RORA: variants seen among roughly 807,000 people sequenced by gnomAD.
The protein encoded by RORA is nuclear receptor ROR-alpha.
RORA carries 7 observed loss-of-function variants against 69.5 expected under a neutral mutation model. That is an observed-to-expected ratio of 0.10 (90% CI 0.06 to 0.19). The LOEUF is 0.19. Ranked by LOEUF, RORA falls within the 10% of genes least tolerant of loss-of-function variation. The probability of loss-of-function intolerance (pLI) is 1.00; values close to 1 mark genes in which losing one functional copy is unlikely to be tolerated. For missense variants in RORA, 457 were observed against 663.0 expected (o/e 0.69, Z 3.41); for synonymous variants, 261 against 240.8 (o/e 1.08, Z -0.78).
intron 1 of RORA, among the ~76,000 whole-genome samples, chr15:60,993,049 GT>G (rs1566936341): frequency 1.3e-5 from 2 of 151,972 alleles, no homozygotes; most frequent in East Asian, 3.9e-4. Flanking sequence ...ATACTTACTT[GT>G]CCTTGGCATT....
chr15:61,047,438 G>T (rs1351017441), intron 1 of RORA, among the ~76,000 whole-genome samples: 1 of 152,192 alleles, frequency 6.6e-6, no homozygotes. Flanking sequence ...AAGTGGGAGG[G>T]CATAAAATGC....
At chr15:60,651,258 G>A (rs1192417932) in intron 2 of RORA, among the ~76,000 whole-genome samples, 4 of 152,110 alleles carry the variant, frequency 2.6e-5, no homozygotes, top group East Asian at 1.9e-4. Context: ...CCCTGCATAT[G>A]GTGCAAGTTC....
Position 61,197,998 on chromosome 15 carries a change from G to A in RORA, c.166+31055C>T, listed in dbSNP as rs2079860587. Among the ~76,000 whole-genome samples, 3 of 152,142 alleles carry A rather than the reference G, an allele frequency of 2.0e-5. No individual in the cohort carries two copies. In the South Asian group the frequency reaches 6.2e-4, roughly 32 times the overall value. ...ACAAGGATGTGAGTAGACTCGAAGA[G>A]ATGCTCAAATGACTCAGAGCATTTG... On this transcript the variant is annotated intron_variant, in intron 1 of 10. Transcript: ENST00000335670.
At chr15:60,967,374 T>C (rs895026218) in intron 1 of RORA, among the ~76,000 whole-genome samples, 17 of 152,154 alleles carry the variant, frequency 1.1e-4, no homozygotes, top group African/African-American at 3.9e-4. Flanking sequence ...AGAATTTGAA[T>C]TGGGAATCAG....
chr15:60,846,080 C>G (rs2073261631), intron 1 of RORA, among the ~76,000 whole-genome samples: 1 of 152,122 alleles, frequency 6.6e-6, no homozygotes. Flanking sequence ...CAGCATGATC[C>G]CTTCAGACCC....
At chr15:60,732,267 T>A (rs2071439274) in intron 1 of RORA, among the ~76,000 whole-genome samples, 1 of 152,200 alleles carries the variant, frequency 6.6e-6, no homozygotes, top group South Asian at 2.1e-4. Context: ...AGAGACTGAA[T>A]CTAACAGGAA....
At chr15:61,216,489 C>T (rs572673053) in intron 1 of RORA, among the ~76,000 whole-genome samples, 2 of 27,438 alleles carry the variant, frequency 7.3e-5, no homozygotes, top group South Asian at 3.0e-3. Flanking sequence ...CAAGCTTCTC[C>T]GATGTGATTT....
At chr15:60,710,567 C>A (rs1318132873) in intron 1 of RORA, among the ~76,000 whole-genome samples, 1 of 152,158 alleles carries the variant, frequency 6.6e-6, no homozygotes, top group African/African-American at 2.4e-5. Flanking sequence ...AATCAGAGTG[C>A]AGATAAGTAA....
chr15:61,128,021 A>T lies in RORA; in HGVS notation c.166+101032T>A, dbSNP rs1353986861. Among the ~76,000 whole-genome samples, 2 of 152,248 alleles carry T rather than the reference A, an allele frequency of 1.3e-5. No homozygotes were observed. Among genetic ancestry groups the T allele is most frequent in the African/African-American group, 4.8e-5 (2 of 41,466 alleles). ...ACCTAATTATGCAGTCCAGTAGAAGAGGCTTACCCATAGGATTTTAAATCT... is the reference window on the plus strand; with the variant it reads ...ACCTAATTATGCAGTCCAGTAGAAGTGGCTTACCCATAGGATTTTAAATCT... On this transcript the variant is annotated intron_variant, in intron 1 of 10. Coordinates refer to ENST00000335670, the MANE Select transcript of RORA (RefSeq NM_134261.3). This position sits in a 1 kb window ranked among gnomAD's most constrained non-coding sequence, Gnocchi z 4.5.
chr15:60,802,384 G>T (rs1329043014), intron 1 of RORA, among the ~76,000 whole-genome samples: 1 of 152,262 alleles, frequency 6.6e-6, no homozygotes, highest in East Asian at 1.9e-4. Context: ...TTTACAGAGG[G>T]CTATTGGTCC....
At chr15:60,913,946 G>A (rs536931132) in intron 1 of RORA, among the ~76,000 whole-genome samples, 6 of 152,230 alleles carry the variant, frequency 3.9e-5, no homozygotes, top group Middle Eastern at 3.4e-3. Flanking sequence ...AACTCAGTCC[G>A]GTGGATTAAG....
At position 61,189,386 on chromosome 15, in the gene RORA, C is replaced by T. The variant is rs192946396; in HGVS notation, c.166+39667G>A. Reference sequence around the variant, plus strand: ...CTGGCTCCCACTCGGCAGCTATGGGCTCTTGTTTTTGAGAGGATCTTCTCC... The same window carrying T: ...CTGGCTCCCACTCGGCAGCTATGGGTTCTTGTTTTTGAGAGGATCTTCTCC... On this transcript the variant is annotated intron_variant, in intron 1 of 10. Coordinates refer to ENST00000335670, the MANE Select transcript of RORA (RefSeq NM_134261.3). 2.6e-5 allele frequency among the ~76,000 whole-genome samples: 4 copies of T among 152,262 alleles called. No individual in the cohort carries two copies. The East Asian group carries it at 7.7e-4, about 29-fold the overall frequency.
rs149908789 is a variant in RORA at position 61,158,743 on chromosome 15, G to A, written c.166+70310C>T. 3.3e-3 allele frequency among the ~76,000 whole-genome samples: 497 copies of A among 152,298 alleles called. 5 individuals are homozygous for A. The highest frequency in any genetic ancestry group is 0.012 in the African/African-American group (483 of 41,562). ...TGTTGCGGGAGCTGTCGTGTCAGCT[G>A]AAACAATATTTGATGAAAGACTGTG... On this transcript the variant is annotated intron_variant, in intron 1 of 10. Transcript: ENST00000335670.
intron 1 of RORA, among the ~76,000 whole-genome samples, chr15:60,987,682 C>T (rs932730686): frequency 6.6e-6 from 1 of 152,218 alleles, no homozygotes; most frequent in Non-Finnish European, 1.5e-5. Flanking sequence ...AGGCACCTCA[C>T]TTCTTTGAAA....
chr15:60,635,025 C>T (rs1400481161), intron 2 of RORA, among the ~76,000 whole-genome samples: 1 of 152,190 alleles, frequency 6.6e-6, no homozygotes. Flanking sequence ...TTGCCTCCTA[C>T]ACAAGAAGTA....
chr15:60,525,868 G>A (rs989088184), intron 3 of RORA, among the ~76,000 whole-genome samples: 1 of 152,126 alleles, frequency 6.6e-6, no homozygotes, highest in Non-Finnish European at 1.5e-5. Flanking sequence ...AGAAGCATGG[G>A]GGTGAGAAGG....
chr15:61,053,848 G>GATATATATATATATATAGATATAT (rs3053963), intron 1 of RORA, among the ~76,000 whole-genome samples: 1 of 90,968 alleles, frequency 1.1e-5, no homozygotes, highest in African/African-American at 4.3e-5. Flanking sequence ...TAGACTTCAT[G>GATATATATATATATATAGATATAT]ATATATATAT....
intron 2 of RORA, among the ~76,000 whole-genome samples, chr15:60,632,176 G>C (rs999644107): frequency 1.3e-5 from 2 of 151,234 alleles, no homozygotes; most frequent in African/African-American, 4.9e-5. Context: ...GCGCATCCTG[G>C]CTCACTGCAA....
chr15:61,178,874 T>C (rs184150848), intron 1 of RORA, among the ~76,000 whole-genome samples: 1 of 152,348 alleles, frequency 6.6e-6, no homozygotes, highest in African/African-American at 2.4e-5. Flanking sequence ...ATACCCGCTT[T>C]TGAAAATATC....
Sources: gnomAD v4.1 joint callset for allele counts (sites outside exome capture counted in the v4.1 genomes callset) on GRCh38, gnomAD v4.1.1 for gene constraint, Gnocchi (gnomAD v3.1) non-coding constraint, MANE v1.5 for transcripts, NCBI Gene and HGNC (gene_info 2026-07-23, HGNC 2026-07-21) for gene names.